The following CTNNA2 variants were observed in gnomAD, a reference collection of about 807,000 sequenced individuals.
CTNNA2 encodes catenin alpha 2, also known as catenin alpha-2.
A neutral mutation model predicts 101.0 loss-of-function variants in CTNNA2; 42 were observed. The observed-to-expected ratio is 0.42, with a 90% CI of 0.32 to 0.54. The LOEUF (loss-of-function observed/expected upper bound fraction) is 0.54, where lower values mean the gene tolerates loss of function less well. CTNNA2 is among the 20% of genes least tolerant of loss of function. CTNNA2 has a pLI of 0.14. For missense variants in CTNNA2, 871 were observed against 1,223.1 expected (o/e 0.71, Z 4.29); for synonymous variants, 450 against 456.4 (o/e 0.99, Z 0.18).
At chr2:79,591,142 A>G in intron 1 of CTNNA2, among the ~76,000 whole-genome samples, 1 of 152,368 alleles carries the variant, frequency 6.6e-6, no homozygotes, top group East Asian at 1.9e-4. Context: ...TAAGAAGCAA[A>G]TTACTATAAA....
At position 80,023,306 on chromosome 2, in the gene CTNNA2, G is replaced by C. The variant is rs1694703164; in HGVS notation, c.1056+113509G>C. 2.0e-5 allele frequency among the ~76,000 whole-genome samples: 3 copies of C among 152,176 alleles called. 1 individual carries two copies. The highest frequency in any genetic ancestry group is 2.0e-4 in the Admixed American group (3 of 15,282). Reference sequence around the variant, plus strand: ...TTTTTAAAGAAAATTGGTGGTGGTTGTTACTAAAGTTGATGGATTTATTGA... The same window carrying C: ...TTTTTAAAGAAAATTGGTGGTGGTTCTTACTAAAGTTGATGGATTTATTGA... On this transcript the variant is annotated intron_variant, in intron 7 of 18. Transcript: ENST00000402739.
intron 4 of CTNNA2, among the ~76,000 whole-genome samples, chr2:79,504,236 C>T (rs1158348285): frequency 4.6e-5 from 7 of 151,622 alleles, no homozygotes; most frequent in African/African-American, 1.7e-4. Flanking sequence ...TTTCCTTTAT[C>T]TCTTTTAATA....
At chr2:80,005,373 C>T (rs1693263424) in intron 7 of CTNNA2, among the ~76,000 whole-genome samples, 1 of 152,142 alleles carries the variant, frequency 6.6e-6, no homozygotes, top group African/African-American at 2.4e-5. Context: ...ATGAGGCTTT[C>T]AAATCTCTTG....
intron 2 of CTNNA2, among the ~76,000 whole-genome samples, chr2:79,703,090 CAGAAG>C (rs1389604851): frequency 6.6e-6 from 1 of 152,202 alleles, no homozygotes; most frequent in Non-Finnish European, 1.5e-5. Context: ...ATCTGAAACA[CAGAAG>C]AGAAATCTGG....
rs60171454 is a variant in CTNNA2, at chr2:80,093,170, A to G, written c.1056+183373A>G. Among the ~76,000 whole-genome samples the G allele has an allele frequency of 9.5e-3, 1,438 of 151,694 alleles. 23 individuals are homozygous for G. The highest frequency in any genetic ancestry group is 0.033 in the African/African-American group (1,378 of 41,356). The stretch of plus-strand genomic sequence containing the variant: ...TCCCCCCTGCTCCCCCAACCCCACA[A>G]CAGTCCCTGGTGTGTGATGTTCCCC... On this transcript the variant is annotated intron_variant, in intron 7 of 18. Transcript: ENST00000402739.
chr2:80,586,863 C>A (rs2149730070), intron 14 of CTNNA2, among the ~76,000 whole-genome samples: 1 of 152,282 alleles, frequency 6.6e-6, no homozygotes, highest in African/African-American at 2.4e-5. Flanking sequence ...GTAGATGTGG[C>A]TACTAGTAAG....
intron 7 of CTNNA2, among the ~76,000 whole-genome samples, chr2:80,099,079 A>T (rs944747581): frequency 6.6e-6 from 1 of 151,084 alleles, no homozygotes; most frequent in African/African-American, 2.4e-5. Flanking sequence ...TGCAGAAATC[A>T]CCCGTCTTCT....
intron 8 of CTNNA2, among the ~76,000 whole-genome samples, chr2:80,417,224 TTAAGA>T (rs1207294759): frequency 6.6e-6 from 1 of 151,520 alleles, no homozygotes; most frequent in Non-Finnish European, 1.5e-5. Context: ...AATGATTAAA[TTAAGA>T]TAACATATTA....
At chr2:80,083,109 G>A (rs1699245626) in intron 7 of CTNNA2, among the ~76,000 whole-genome samples, 1 of 152,038 alleles carries the variant, frequency 6.6e-6, no homozygotes, top group African/African-American at 2.4e-5. Context: ...CCTGGAACCT[G>A]GACATTCAAG....
At chr2:80,535,133 C>A (rs1690895558) in intron 9 of CTNNA2, among the ~76,000 whole-genome samples, 1 of 152,086 alleles carries the variant, frequency 6.6e-6, no homozygotes, top group African/African-American at 2.4e-5. Flanking sequence ...ACATAGAGCT[C>A]CCTTCGGTTT....
chr2:79,781,947 T>TAATATTTTAAGGG (rs11267873), intron 3 of CTNNA2, among the ~76,000 whole-genome samples: 39,356 of 151,982 alleles, frequency 0.26, 5,495 homozygotes, highest in South Asian at 0.41. Context: ...GTTTACTCAA[T>TAATATTTTAAGGG]AATCTAAAAA....
intron 7 of CTNNA2, chr2:80,313,561 G>C: frequency 6.2e-7 from 1 of 1,610,606 alleles, no homozygotes; most frequent in Non-Finnish European, 8.5e-7. Flanking sequence ...GAATTGACCA[G>C]ATGGATGGAT....
chr2:79,558,367 G>C (rs1674570648), intron 1 of CTNNA2, among the ~76,000 whole-genome samples: 2 of 151,708 alleles, frequency 1.3e-5, no homozygotes. Context: ...CGCCTAATAG[G>C]TACCAAAATT....
Position 79,961,054 on chromosome 2 carries a change from T to A in CTNNA2, c.1056+51257T>A, listed in dbSNP as rs2974131. Among the ~76,000 whole-genome samples the A allele has an allele frequency of 4.6e-3, 697 of 152,316 alleles. 2 individuals are homozygous for A. Among genetic ancestry groups the A allele is most frequent in the Non-Finnish European group, 7.7e-3 (524 of 68,022 alleles). On this transcript the variant is annotated intron_variant, in intron 7 of 18. Transcript: ENST00000402739. ...TATTTCATTATGCGAATTAAAATTG[T>A]GGATGGATATAAGATCTTTGATTTC...
intron 7 of CTNNA2, among the ~76,000 whole-genome samples, chr2:80,390,530 T>G (rs1677414613): frequency 6.6e-6 from 1 of 152,172 alleles, no homozygotes; most frequent in Admixed American, 6.5e-5. Flanking sequence ...CCCAAACGTG[T>G]CTGTAGCAAC....
intron 2 of CTNNA2, among the ~76,000 whole-genome samples, chr2:79,269,115 C>T (rs868849262): frequency 2.6e-5 from 4 of 151,996 alleles, no homozygotes; most frequent in Admixed American, 2.6e-4. Flanking sequence ...AGAAAATACA[C>T]CTGAGGTGTA....
intron 16 of CTNNA2, among the ~76,000 whole-genome samples, chr2:80,606,200 C>T (rs216665): frequency 0.52 from 78,732 of 151,580 alleles, 20,659 homozygotes; most frequent in East Asian, 0.62. Context: ...TGTTTCATTA[C>T]ACTTTAAATC....
chr2:80,437,394 G>C (rs903586506), intron 9 of CTNNA2, among the ~76,000 whole-genome samples: 8 of 152,096 alleles, frequency 5.3e-5, no homozygotes, highest in Non-Finnish European at 8.8e-5. Flanking sequence ...GAAAACAAGG[G>C]TTTAACATGA....
At chr2:79,916,643 C>T (rs1686242763) in intron 7 of CTNNA2, among the ~76,000 whole-genome samples, 1 of 142,826 alleles carries the variant, frequency 7.0e-6, no homozygotes, top group African/African-American at 2.6e-5. Context: ...GGTGCAGTGG[C>T]ATGATCTCGG....
Sources: gnomAD v4.1 joint callset for allele counts (sites outside exome capture counted in the v4.1 genomes callset) on GRCh38, gnomAD v4.1.1 for gene constraint, MANE v1.5 for transcripts, NCBI Gene and HGNC (gene_info 2026-07-23, HGNC 2026-07-21) for gene names.